The following CCND3 variants were observed in gnomAD, a reference collection of about 807,000 sequenced individuals.
CCND3 encodes the protein cyclin D3.
Under a neutral mutation model 28.7 loss-of-function variants are expected in CCND3, and 9 were observed. That is an observed-to-expected ratio of 0.31 (90% confidence interval 0.19 to 0.55). The LOEUF (loss-of-function observed/expected upper bound fraction) is 0.55, where lower values mean the gene tolerates loss of function less well. Ranked by LOEUF, CCND3 falls within the 20% of genes least tolerant of loss-of-function variation. CCND3 has a pLI of 0.93. For missense variants in CCND3, 315 were observed against 385.8 expected (o/e 0.82, Z 1.54); for synonymous variants, 164 against 163.9 (o/e 1.00, Z 0.00).
rs780882036 is a variant in CCND3 at position 41,939,376 on chromosome 6, C to T, written c.414+994G>A. On this transcript the variant is annotated intron_variant, in intron 2 of 4. Coordinates refer to ENST00000372991, the MANE Select transcript of CCND3 (RefSeq NM_001760.5). This position sits in a 1 kb window ranked among gnomAD's most constrained non-coding sequence, Gnocchi z 4.2. ...CCACAGAGCAAGGTGGAGGAAGGTG[C>T]CAGCTCACCCACCCTCTCCCCCAGC... 2.6e-5 allele frequency among the ~76,000 whole-genome samples: 4 copies of T among 152,132 alleles called. No homozygotes were observed. Among genetic ancestry groups the T allele is most frequent in the Non-Finnish European group, 5.9e-5 (4 of 68,012 alleles).
chr6:41,987,666 C>T (rs930158507), intron 1 of CCND3, among the ~76,000 whole-genome samples: 3 of 150,974 alleles, frequency 2.0e-5, no homozygotes, highest in Non-Finnish European at 3.0e-5. Context: ...CCATACTCAG[C>T]TAATTTTTTT....
At chr6:42,042,463 C>T (rs563805889) in intron 1 of CCND3, among the ~76,000 whole-genome samples, 3 of 151,956 alleles carry the variant, frequency 2.0e-5, no homozygotes, top group East Asian at 1.9e-4. Context: ...TGGGTTCTAG[C>T]GATTCTTCTG....
intron 1 of CCND3, among the ~76,000 whole-genome samples, chr6:41,966,752 T>C (rs1348793970): frequency 6.6e-6 from 1 of 152,198 alleles, no homozygotes; most frequent in African/African-American, 2.4e-5. Flanking sequence ...TACTGAGTCA[T>C]GCCTCTTCAT....
chr6:41,940,738 C>T, intron 1 of CCND3, 153 bp from the exon 2 acceptor site: 3 of 742,342 alleles, frequency 4.0e-6, no homozygotes, highest in Non-Finnish European at 7.1e-6. Flanking sequence ...GAGGAGGATG[C>T]GCCCTCCCCA....
rs1582080087 is a variant in CCND3, at chr6:41,936,004, C to G, written c.815G>C (p.Gly272Ala). The change falls in exon 5 of 5, where the codon GGC (glycine) becomes GCC (alanine). Residue 272 changes from glycine (G) to alanine (A), a missense_variant. Physicochemically the swap from Gly to Ala is moderately conservative, Grantham distance 60. Coordinates refer to ENST00000372991, the MANE Select transcript of CCND3 (RefSeq NM_001760.5). This position sits in a 1 kb window ranked among gnomAD's most constrained non-coding sequence, Gnocchi z 4.4. Reference protein sequence around the residue: ...SSSPAPKAPRGSSSQGPSQTS... With the variant: ...SSSPAPKAPRASSSQGPSQTS... ...CTGGCTGGGCCCTTGGCTGCTGGAG[C>G]CCCGGGGGGCTTTGGGCGCTGGGCT... 1.2e-6 allele frequency: 2 copies of G among 1,613,420 alleles called. No homozygotes were observed. The highest frequency in any genetic ancestry group is 1.7e-6 in the Non-Finnish European group (2 of 1,179,774).
rs114724710 is a variant in CCND3, at chr6:42,013,559, G to C, written c.-46+34942C>G. ...TGTTAAGCCACATCTCACCTATCCTGTATTTCTATAATTTATTTGTAATTC... is the reference window on the plus strand; with the variant it reads ...TGTTAAGCCACATCTCACCTATCCTCTATTTCTATAATTTATTTGTAATTC... On this transcript the variant is annotated intron_variant, in intron 1 of 4. Coordinates refer to the CCND3 transcript ENST00000372988. Among the ~76,000 whole-genome samples the C allele has an allele frequency of 3.9e-3, 601 of 152,292 alleles. 8 individuals carry two copies. The highest frequency in any genetic ancestry group is 0.014 in the African/African-American group (561 of 41,546).
At chr6:42,015,239 T>C (rs1763463619) in intron 1 of CCND3, among the ~76,000 whole-genome samples, 1 of 152,080 alleles carries the variant, frequency 6.6e-6, no homozygotes, top group Admixed American at 6.6e-5. Flanking sequence ...CACTCTGCCA[T>C]GCATGTAAAC....
chr6:42,010,311 A>C (rs528084913), intron 1 of CCND3, among the ~76,000 whole-genome samples: 11 of 152,020 alleles, frequency 7.2e-5, no homozygotes, highest in Non-Finnish European at 1.6e-4. Flanking sequence ...CTTTCCCTTA[A>C]CGGTGTCCCC....
intron 1 of CCND3, among the ~76,000 whole-genome samples, chr6:41,992,463 GTTTTTTTT>G (rs373285628): frequency 8.3e-6 from 1 of 120,442 alleles, no homozygotes; most frequent in Non-Finnish European, 1.6e-5. Flanking sequence ...CACCCAGCCG[GTTTTTTTT>G]TTTTTTTTTA....
intron 1 of CCND3, among the ~76,000 whole-genome samples, chr6:41,960,735 G>A (rs919427669): frequency 2.0e-5 from 3 of 152,170 alleles, no homozygotes; most frequent in Non-Finnish European, 4.4e-5. Flanking sequence ...GATGGATGGT[G>A]TAAGCTTGAA....
At chr6:41,960,409 A>T (rs1273551037) in intron 1 of CCND3, among the ~76,000 whole-genome samples, 2 of 152,242 alleles carry the variant, frequency 1.3e-5, no homozygotes, top group Non-Finnish European at 2.9e-5. Context: ...AACTCAATAA[A>T]ACTTTTTTAT....
chr6:42,023,787 C>T (rs1029891147), intron 1 of CCND3, among the ~76,000 whole-genome samples: 8 of 152,168 alleles, frequency 5.3e-5, no homozygotes, highest in South Asian at 2.1e-4. Context: ...GACCCTGTCA[C>T]TGACCATCTT....
intron 1 of CCND3, among the ~76,000 whole-genome samples, chr6:41,953,712 A>C (rs1776371094): frequency 6.6e-6 from 1 of 151,956 alleles, no homozygotes; most frequent in Non-Finnish European, 1.5e-5. Context: ...GGTTGAATCC[A>C]AGTTACTCCA....
At chr6:41,963,476 G>A (rs1002055549) in intron 1 of CCND3, among the ~76,000 whole-genome samples, 8 of 152,222 alleles carry the variant, frequency 5.3e-5, no homozygotes, top group African/African-American at 1.9e-4. Context: ...TGCCTGAAGA[G>A]TACACACAAT....
chr6:41,990,907 C>T (rs1762627706), intron 1 of CCND3, among the ~76,000 whole-genome samples: 1 of 151,806 alleles, frequency 6.6e-6, no homozygotes. Flanking sequence ...TTTTGAACCC[C>T]TGACCTAAGG....
At chr6:41,968,469 G>A (rs1475667290) in intron 1 of CCND3, among the ~76,000 whole-genome samples, 2 of 152,158 alleles carry the variant, frequency 1.3e-5, no homozygotes, top group Non-Finnish European at 2.9e-5. Flanking sequence ...AATCGGGCCT[G>A]TAATCCCAGT....
intron 1 of CCND3, among the ~76,000 whole-genome samples, chr6:42,005,127 G>C (rs1282269355): frequency 6.6e-6 from 1 of 152,120 alleles, no homozygotes; most frequent in East Asian, 1.9e-4. Context: ...TGTCACTAAT[G>C]AGCATATATG....
chr6:42,024,002 C>T (rs7750688), intron 1 of CCND3, among the ~76,000 whole-genome samples: 118,793 of 151,504 alleles, frequency 0.78, 46,739 homozygotes, highest in East Asian at 0.93. Context: ...GCTGTACGTG[C>T]ATAAAGCCTC....
At chr6:42,015,113 G>A (rs1763459643) in intron 1 of CCND3, among the ~76,000 whole-genome samples, 1 of 152,134 alleles carries the variant, frequency 6.6e-6, no homozygotes, top group South Asian at 2.1e-4. Flanking sequence ...TATTCTAGAT[G>A]AAGAAACTGA....
Sources: allele counts gnomAD v4.1 joint callset (sites outside exome capture counted in the v4.1 genomes callset), GRCh38; gene constraint gnomAD v4.1.1; non-coding constraint Gnocchi (gnomAD v3.1); transcripts MANE v1.5; gene names NCBI Gene and HGNC (gene_info 2026-07-23, HGNC 2026-07-21).